The following MARCHF3 variants were observed in gnomAD, a reference collection of about 807,000 sequenced individuals.
MARCHF3 encodes E3 ubiquitin-protein ligase MARCHF3.
MARCHF3 carries 13 observed loss-of-function variants against 24.2 expected under a neutral mutation model. The observed-to-expected ratio is 0.54, with a 90% CI of 0.35 to 0.85. MARCHF3 has a LOEUF of 0.85. MARCHF3 is among the 40% of genes least tolerant of loss of function. MARCHF3 has a pLI of 0.01. For synonymous variants in MARCHF3, 144 were observed against 137.3 expected (o/e 1.05, Z -0.34); for missense variants, 276 against 325.0 (o/e 0.85, Z 1.16).
intron 3 of MARCHF3, among the ~76,000 whole-genome samples, chr5:126,913,894 A>AATCATAG (rs530043996): frequency 1.5e-4 from 23 of 152,086 alleles, no homozygotes; most frequent in Non-Finnish European, 3.2e-4. Flanking sequence ...AGCAGGTCTG[A>AATCATAG]ATCATAGATA....
intron 1 of MARCHF3, among the ~76,000 whole-genome samples, chr5:127,018,331 A>C (rs544484686): frequency 2.0e-4 from 31 of 152,310 alleles, no homozygotes; most frequent in Admixed American, 7.8e-4. Context: ...AGATCATGAC[A>C]GTGCACTCCA....
chr5:126,942,433 T>C (rs572318746), intron 1 of MARCHF3, among the ~76,000 whole-genome samples: 2 of 151,364 alleles, frequency 1.3e-5, no homozygotes, highest in South Asian at 2.1e-4. Flanking sequence ...TTCTTTGTTT[T>C]AGTTTTGTAA....
intron 4 of MARCHF3, among the ~76,000 whole-genome samples, chr5:126,873,783 A>G (rs1753051951): frequency 6.6e-6 from 1 of 152,240 alleles, no homozygotes; most frequent in Non-Finnish European, 1.5e-5. Context: ...GGCAAATTCA[A>G]TTAATAAGAA....
intron 1 of MARCHF3, among the ~76,000 whole-genome samples, chr5:126,975,653 T>C (rs546080925): frequency 2.0e-5 from 3 of 152,328 alleles, no homozygotes; most frequent in East Asian, 3.9e-4. Flanking sequence ...AATGTGGTGA[T>C]GAGGAAGCCA....
At chr5:126,998,759 C>A (rs79861775) in intron 1 of MARCHF3, among the ~76,000 whole-genome samples, 2 of 152,126 alleles carry the variant, frequency 1.3e-5, no homozygotes, top group South Asian at 2.1e-4. Flanking sequence ...TCACTCGTTC[C>A]CCTGTCCCAC....
intron 1 of MARCHF3, among the ~76,000 whole-genome samples, chr5:126,935,216 GA>G (rs1194086598): frequency 1.3e-5 from 2 of 152,160 alleles, no homozygotes; most frequent in East Asian, 3.9e-4. Flanking sequence ...GTTTCTGGAT[GA>G]GTTTAACATT....
rs553282202 is a variant in MARCHF3, at chr5:126,895,949, C to T, written c.394-17555G>A. 3.3e-5 allele frequency among the ~76,000 whole-genome samples: 5 copies of T among 152,226 alleles called. No homozygotes were observed. In the South Asian group the frequency reaches 8.3e-4, roughly 25 times the overall value. ...TGCAGTTTGATCTCAGACTGCTGTG[C>T]TAGCAATCAGCGAGAATCCGTGGGT... On this transcript the variant is annotated intron_variant, in intron 3 of 4. Coordinates refer to ENST00000308660, the MANE Select transcript of MARCHF3 (RefSeq NM_178450.5).
At position 126,896,014 on chromosome 5, in the gene MARCHF3, C is replaced by T. The variant is rs187803870; in HGVS notation, c.394-17620G>A. Among the ~76,000 whole-genome samples the T allele has an allele frequency of 2.3e-3, 356 of 152,206 alleles. 2 individuals are homozygous for T. The highest frequency in any genetic ancestry group is 0.017 in the Middle Eastern group (5 of 294). ...GCCAGGTGCGGGATATAATCTGGTG[C>T]GCCGTTTTTTAAGCCTGTCGGAAAA... On this transcript the variant is annotated intron_variant, in intron 3 of 4. Coordinates refer to ENST00000308660, the MANE Select transcript of MARCHF3 (RefSeq NM_178450.5).
At chr5:126,966,612 T>C (rs1750821358) in intron 1 of MARCHF3, among the ~76,000 whole-genome samples, 1 of 152,178 alleles carries the variant, frequency 6.6e-6, no homozygotes, top group Admixed American at 6.5e-5. Context: ...ATTTCCTAGA[T>C]ATTTGAGGTT....
intron 1 of MARCHF3, among the ~76,000 whole-genome samples, chr5:126,971,430 C>A (rs1263760235): frequency 1.6e-5 from 2 of 128,650 alleles, no homozygotes; most frequent in Admixed American, 9.1e-5. Flanking sequence ...GCCTGGGTGA[C>A]AGAGCGAGAC....
At chr5:127,010,307 C>T (rs1752435164) in intron 1 of MARCHF3, among the ~76,000 whole-genome samples, 1 of 152,148 alleles carries the variant, frequency 6.6e-6, no homozygotes, top group African/African-American at 2.4e-5. Flanking sequence ...TAAAGGACAA[C>T]CAAAATCAAC....
intron 1 of MARCHF3, among the ~76,000 whole-genome samples, chr5:127,020,775 C>T (rs962478390): frequency 2.3e-4 from 35 of 152,012 alleles, no homozygotes; most frequent in African/African-American, 7.2e-4. Context: ...TGCTTGAGCT[C>T]GGGAGGTTAA....
chr5:126,918,058 C>A lies in MARCHF3; in HGVS notation c.114G>T (p.Pro38=), dbSNP rs763507234. The A allele has an allele frequency of 1.9e-6, 3 of 1,614,156 alleles. No homozygotes were observed. The highest frequency in any genetic ancestry group is 2.2e-5 in the South Asian group (2 of 91,088). Residue 38 remains proline (P), a synonymous_variant, in exon 2 of 5, where the codon CCG becomes CCT. Transcript: ENST00000308660. ...TGGCTGAAACTTGCATGACATACTGCGGCTGCCCATTCACTAGGCTGCCAC... is the reference window on the plus strand; with the variant it reads ...TGGCTGAAACTTGCATGACATACTGAGGCTGCCCATTCACTAGGCTGCCAC... ...EDCGSLVNGQ[P]QYVMQVSAKD...
intron 1 of MARCHF3, among the ~76,000 whole-genome samples, chr5:127,009,596 A>C (rs569093919): frequency 6.6e-6 from 1 of 152,310 alleles, no homozygotes; most frequent in South Asian, 2.1e-4. Flanking sequence ...TAACTGTGTG[A>C]ATCCCAACTG....
intron 1 of MARCHF3, among the ~76,000 whole-genome samples, chr5:126,923,946 A>AT (rs113886939): frequency 0.1 from 14,988 of 147,790 alleles, 1,675 homozygotes; most frequent in African/African-American, 0.28. Flanking sequence ...TCCATTCACT[A>AT]TTTTTTTTTT....
At position 126,955,464 on chromosome 5, in the gene MARCHF3, G is replaced by A. The variant is rs145264707; in HGVS notation, c.-56-37237C>T. On this transcript the variant is annotated intron_variant, in intron 1 of 4. Coordinates refer to ENST00000308660, the MANE Select transcript of MARCHF3 (RefSeq NM_178450.5). Reference sequence around the variant, plus strand: ...ACTACATGCCCAGTTTCGTTCATCCGGCCCAATATTTGGACAGTCATGTTT... The same window carrying A: ...ACTACATGCCCAGTTTCGTTCATCCAGCCCAATATTTGGACAGTCATGTTT... Among the ~76,000 whole-genome samples, 205 of 152,236 alleles carry A rather than the reference G, an allele frequency of 1.3e-3. 2 individuals carry two copies. The highest frequency in any genetic ancestry group is 4.7e-3 in the African/African-American group (196 of 41,558).
At chr5:126,932,470 G>T (rs1749509597) in intron 1 of MARCHF3, among the ~76,000 whole-genome samples, 1 of 152,164 alleles carries the variant, frequency 6.6e-6, no homozygotes, top group Admixed American at 6.5e-5. Flanking sequence ...ATTATAGAAG[G>T]CTCAGGAAAG....
intron 1 of MARCHF3, among the ~76,000 whole-genome samples, chr5:126,952,009 G>A (rs1460526947): frequency 1.3e-5 from 2 of 152,092 alleles, no homozygotes; most frequent in Admixed American, 6.6e-5. Context: ...ACCACGCCCA[G>A]CTAATTTTTG....
rs1028927559 is a variant in MARCHF3, at chr5:126,893,021, G to A, written c.394-14627C>T. 7.9e-4 allele frequency among the ~76,000 whole-genome samples: 120 copies of A among 151,862 alleles called. 3 individuals are homozygous for A. The highest frequency in any genetic ancestry group is 2.7e-3 in the African/African-American group (112 of 41,400). ...CTTCTTCCTGGTTGAGTCTTGGGAG[G>A]GTGTATGTGTCGAGGAATTTATCCA... is the stretch of plus-strand genomic sequence containing the variant. On this transcript the variant is annotated intron_variant, in intron 3 of 4. Coordinates refer to ENST00000308660, the MANE Select transcript of MARCHF3 (RefSeq NM_178450.5).
Sources: gnomAD v4.1 joint callset for allele counts (sites outside exome capture counted in the v4.1 genomes callset) on GRCh38, gnomAD v4.1.1 for gene constraint, MANE v1.5 for transcripts, NCBI Gene and HGNC (gene_info 2026-07-23, HGNC 2026-07-21) for gene names.